The following FRAS1 variants were observed in gnomAD, a reference collection of about 807,000 sequenced individuals.
FRAS1 encodes extracellular matrix organizing protein FRAS1.
A neutral mutation model predicts 435.2 loss-of-function variants in FRAS1; 290 were observed. The ratio of observed to expected loss-of-function variants is 0.67; its 90% confidence interval spans 0.61 to 0.73. FRAS1 has a LOEUF of 0.73. Among genes scored for constraint, FRAS1 ranks in the 30% least tolerant of loss-of-function variants. FRAS1 has a pLI of 0.00. For synonymous variants in FRAS1, 1,800 were observed against 1,851.0 expected (o/e 0.97, Z 0.71); for missense variants, 4,860 against 5,001.5 (o/e 0.97, Z 0.85).
At chr4:78,447,244 C>T (rs535869838) in intron 43 of FRAS1, among the ~76,000 whole-genome samples, 1 of 135,032 alleles carries the variant, frequency 7.4e-6, no homozygotes, top group South Asian at 2.6e-4. Flanking sequence ...TTTATGTACC[C>T]TTGTAGAGGC....
chr4:78,092,809 C>T (rs1379388528), intron 2 of FRAS1, among the ~76,000 whole-genome samples: 4 of 152,146 alleles, frequency 2.6e-5, no homozygotes, highest in Non-Finnish European at 2.9e-5. Flanking sequence ...CCAGATGCAT[C>T]GATAGAGACT....
At chr4:78,121,910 C>T (rs1258301210) in intron 2 of FRAS1, among the ~76,000 whole-genome samples, 3 of 152,150 alleles carry the variant, frequency 2.0e-5, no homozygotes, top group African/African-American at 7.2e-5. Flanking sequence ...GGCCAGGATA[C>T]ATGTTTGTTT....
intron 2 of FRAS1, among the ~76,000 whole-genome samples, chr4:78,125,143 T>G (rs1227519493): frequency 6.6e-6 from 1 of 152,234 alleles, no homozygotes; most frequent in African/African-American, 2.4e-5. Context: ...TAAATTTCCC[T>G]CTACACACTG....
At chr4:78,271,057 C>A (rs1268959816) in intron 9 of FRAS1, among the ~76,000 whole-genome samples, 1 of 152,112 alleles carries the variant, frequency 6.6e-6, no homozygotes, top group East Asian at 1.9e-4. Flanking sequence ...ACTTAAAAAT[C>A]CATCTATAAT....
At chr4:78,445,913 T>C in intron 42 of FRAS1, 2 of 1,329,238 alleles carry the variant, frequency 1.5e-6, no homozygotes, top group Non-Finnish European at 1.9e-6. Flanking sequence ...GAAATCTAAA[T>C]TTCCATTTCA....
intron 20 of FRAS1, among the ~76,000 whole-genome samples, chr4:78,345,497 T>C (rs952409973): frequency 2.6e-5 from 4 of 152,066 alleles, no homozygotes; most frequent in Non-Finnish European, 4.4e-5. Flanking sequence ...AACTTCCTCT[T>C]TATTCCTTCT....
intron 45 of FRAS1, among the ~76,000 whole-genome samples, chr4:78,450,627 T>C (rs907839345): frequency 1.3e-5 from 2 of 152,084 alleles, no homozygotes; most frequent in African/African-American, 4.8e-5. Flanking sequence ...AAAAAGTATA[T>C]ATGAGAGAGA....
chr4:78,301,166 G>A (rs1029900850), intron 14 of FRAS1, among the ~76,000 whole-genome samples: 1 of 152,166 alleles, frequency 6.6e-6, no homozygotes, highest in African/African-American at 2.4e-5. Flanking sequence ...AAGCAGCAAG[G>A]CATTCATTCT....
intron 19 of FRAS1, 62 bp downstream of exon 19, chr4:78,333,474 CAGACACTGTAATT>C: frequency 6.6e-7 from 1 of 1,508,478 alleles, no homozygotes; most frequent in Non-Finnish European, 8.9e-7. Flanking sequence ...AGAGCATAGC[CAGACACTGTAATT>C]AGAAACCTTG....
chr4:78,102,741 T>C (rs759534097), intron 2 of FRAS1, among the ~76,000 whole-genome samples: 7 of 152,184 alleles, frequency 4.6e-5, no homozygotes, highest in African/African-American at 9.7e-5. Context: ...CTGTCAGATA[T>C]ACCTAAATTT....
chr4:78,447,090 G>A (rs1055660354), intron 43 of FRAS1, among the ~76,000 whole-genome samples: 13 of 151,058 alleles, frequency 8.6e-5, no homozygotes, highest in African/African-American at 3.2e-4. Context: ...GTTAATTGGT[G>A]TCTCTGAAGT....
Position 78,478,195 on chromosome 4 carries a change from T to C in FRAS1, c.8098+134T>C, listed in dbSNP as rs116694629. 167 of 980,758 alleles carry C rather than the reference T, an allele frequency of 1.7e-4. 1 individual carries two copies. The African/African-American group carries it at 2.2e-3, about 13-fold the overall frequency. The allele number at this position is 980,758 out of a possible 1,614,324, so 60.8% of individuals were successfully genotyped here. On this transcript the variant is annotated intron_variant, in intron 55 of 73. Transcript: ENST00000512123. ...ACTTTCCACTTATTAACTCATTTGG[T>C]TCCCACAACAACCCTGATGATGATT...
At chr4:78,320,040 C>CCTT (rs1313307697) in intron 18 of FRAS1, among the ~76,000 whole-genome samples, 1 of 152,180 alleles carries the variant, frequency 6.6e-6, no homozygotes, top group Non-Finnish European at 1.5e-5. Flanking sequence ...ATTATAAAGC[C>CCTT]CTCCTGCTCC....
Position 78,387,537 on chromosome 4 carries a change from T to C in FRAS1, c.3811T>C (p.Ser1271Pro). The change falls in exon 29 of 74, where the codon TCC becomes CCC. Residue 1271 changes from serine (S) to proline (P), a missense_variant. Ser to Pro is a moderately conservative substitution (Grantham distance 74, BLOSUM62 -1). Coordinates refer to ENST00000512123, the MANE Select transcript of FRAS1 (RefSeq NM_025074.7). Reference protein sequence around the residue: ...LHGQLLQTLQSPATPIYQFQL... With the variant: ...LHGQLLQTLQPPATPIYQFQL... Reference sequence around the variant, plus strand: ...TGGCCAATTGCTTCAGACACTTCAGTCCCCGGCAACCCCTATCTATCAATT... The same window carrying C: ...TGGCCAATTGCTTCAGACACTTCAGCCCCCGGCAACCCCTATCTATCAATT... The C allele has an allele frequency of 6.2e-7, 1 of 1,613,792 alleles. No homozygotes were observed. The highest frequency in any genetic ancestry group is 8.5e-7 in the Non-Finnish European group (1 of 1,179,836).
In FRAS1 at chr4:78,542,418, CATA is replaced by C. The variant is rs1722086605; in HGVS notation, c.*1296_*1298del. The C allele has an allele frequency of 6.6e-6, 1 of 152,528 alleles. No individual in the cohort carries two copies. The highest frequency in any genetic ancestry group is 1.5e-5 in the Non-Finnish European group (1 of 68,018). The allele number at this position is 152,528 out of a possible 1,614,324, so 9.4% of individuals were successfully genotyped here. A position where few individuals can be genotyped will look rare whatever the true frequency, so the allele number is the denominator to read the frequency against. On this transcript the variant is annotated 3_prime_UTR_variant, in exon 74 of 74. Transcript: ENST00000512123. ...TCTGTTTCTGCCTTATTGGCGGAAA[CATA>C]AGCGTGCATGCCATGTTGTTTTGAA...
intron 20 of FRAS1, 137 bp from the exon 21 acceptor site, chr4:78,363,376 A>G (rs931793906): frequency 1.2e-6 from 1 of 813,120 alleles, no homozygotes; most frequent in African/African-American, 1.7e-5. Context: ...CTTTACTGAT[A>G]TACACTGCCT....
intron 38 of FRAS1, 70 bp downstream of exon 38, chr4:78,432,674 T>C: frequency 6.8e-7 from 1 of 1,472,960 alleles, no homozygotes. Context: ...TGGGCAGCAA[T>C]GCCATGGCTG....
At chr4:78,218,379 A>T (rs1422421881) in intron 2 of FRAS1, among the ~76,000 whole-genome samples, 1 of 151,946 alleles carries the variant, frequency 6.6e-6, no homozygotes, top group Admixed American at 6.6e-5. Context: ...ATGTGCTGTG[A>T]TTTGTTCAAC....
chr4:78,493,978 T>C (rs531040253), intron 59 of FRAS1, among the ~76,000 whole-genome samples: 2 of 152,280 alleles, frequency 1.3e-5, no homozygotes, highest in Admixed American at 6.5e-5. Flanking sequence ...CACATCCTCA[T>C]TGGTCAATAC....
Sources: gnomAD v4.1 joint callset for allele counts (sites outside exome capture counted in the v4.1 genomes callset) on GRCh38, gnomAD v4.1.1 for gene constraint, MANE v1.5 for transcripts, NCBI Gene and HGNC (gene_info 2026-07-23, HGNC 2026-07-21) for gene names.